The following DCDC2B variants were observed in gnomAD, a reference collection of about 807,000 sequenced individuals.
DCDC2B encodes doublecortin domain-containing protein 2B.
A neutral mutation model predicts 38.9 loss-of-function variants in DCDC2B; 41 were observed. The observed-to-expected ratio is 1.05, with a 90% CI of 0.82 to 1.37. DCDC2B has a LOEUF of 1.37. Among genes scored for constraint, DCDC2B ranks in the 40% most tolerant of loss-of-function variants. The probability of loss-of-function intolerance (pLI) is 0.00; values close to 1 mark genes in which losing one functional copy is unlikely to be tolerated. For missense variants in DCDC2B, 453 were observed against 427.2 expected (o/e 1.06, Z -0.53); for synonymous variants, 181 against 171.9 (o/e 1.05, Z -0.41).
intron 4 of DCDC2B, 106 bp from the exon 5 acceptor site, chr1:32,212,384 G>A (rs1643623444): frequency 5.2e-6 from 8 of 1,540,484 alleles, no homozygotes; most frequent in Non-Finnish European, 7.1e-6. Context: ...TGGGTGCCTA[G>A]AGGCCAGAGG....
intron 8 of DCDC2B, 122 bp downstream of exon 8, chr1:32,215,665 C>A: frequency 9.0e-7 from 1 of 1,116,798 alleles, no homozygotes; most frequent in Non-Finnish European, 1.3e-6. Flanking sequence ...GATCTCCTAA[C>A]TTCCTACCTT....
chr1:32,210,738 C>G (rs1015258461), intron 1 of DCDC2B, among the ~76,000 whole-genome samples: 6 of 151,060 alleles, frequency 4.0e-5, no homozygotes, highest in Admixed American at 3.3e-4. Flanking sequence ...GAGACAGGGT[C>G]TTGCTCTGTC....
At position 32,209,333 on chromosome 1, in the gene DCDC2B, T is replaced by C. The variant is rs1360956328; in HGVS notation, c.240T>C (p.Ala80=). The change falls in exon 1 of 9, where the codon GCT becomes GCC. Residue 80 remains alanine (A), a synonymous_variant. Coordinates refer to ENST00000409358, the MANE Select transcript of DCDC2B (RefSeq NM_001099434.2). ...AGAACAGAGGGCAGTATGTGGCCGCTGGATTTGAACGATTCCACAAGCTCC... is the reference window on the plus strand; with the variant it reads ...AGAACAGAGGGCAGTATGTGGCCGCCGGATTTGAACGATTCCACAAGCTCC... The part of the protein sequence containing the change: ...DLKNRGQYVA[A]GFERFHKLHY... 6.2e-7 allele frequency: 1 copy of C among 1,613,964 alleles called. No individual in the cohort carries two copies. The highest frequency in any genetic ancestry group is 1.3e-5 in the African/African-American group (1 of 75,022).
At position 32,212,738 on chromosome 1, in the gene DCDC2B, C is replaced by A. The variant is rs1557531502; in HGVS notation, c.675-16C>A. On this transcript the variant is annotated splice_polypyrimidine_tract_variant and intron_variant, in intron 5 of 8. Coordinates refer to ENST00000409358, the MANE Select transcript of DCDC2B (RefSeq NM_001099434.2). ...TGCCCTCTGCCCACTACAAGCCTTT[C>A]CTTTTGTCATTGTAGGCAACCTCCA... The A allele has an allele frequency of 6.2e-7, 1 of 1,613,890 alleles. No homozygotes were observed. Among genetic ancestry groups the A allele is most frequent in the South Asian group, 1.1e-5 (1 of 91,058 alleles).
intron 6 of DCDC2B, 100 bp downstream of exon 6, chr1:32,212,893 T>TTTTTTC: frequency 1.4e-6 from 2 of 1,385,246 alleles, no homozygotes; most frequent in Non-Finnish European, 2.0e-6. Flanking sequence ...GCATCCTCTC[T>TTTTTTC]TTTTTCTTTT....
In DCDC2B at chr1:32,209,179, C is replaced by T; in HGVS notation, c.86C>T (p.Thr29Ile). The change falls in exon 1 of 9, where the codon ACT becomes ATT. Residue 29 changes from threonine to isoleucine, a missense_variant. Coordinates refer to ENST00000409358, the MANE Select transcript of DCDC2B (RefSeq NM_001099434.2). ...TTCCCAGGCTCCCAGCTGGTGGTGACTCAACGCCGCTTCCCCACCATGGAG... is the reference window on the plus strand; with the variant it reads ...TTCCCAGGCTCCCAGCTGGTGGTGATTCAACGCCGCTTCCCCACCATGGAG... The part of the protein sequence containing the change: ...PFFPGSQLVV[T>I]QRRFPTMEAF... 6.2e-7 allele frequency: 1 copy of T among 1,614,026 alleles called. No individual in the cohort carries two copies. Among genetic ancestry groups the T allele is most frequent in the Non-Finnish European group, 8.5e-7 (1 of 1,179,884 alleles).
In DCDC2B at chr1:32,215,843, C is replaced by T. The variant is rs1172214137; in HGVS notation, c.996C>T (p.Asn332=). 1.3e-6 allele frequency: 2 copies of T among 1,553,088 alleles called. No homozygotes were observed. Among genetic ancestry groups the T allele is most frequent in the Admixed American group, 3.9e-5 (2 of 51,108 alleles). The change falls in exon 9 of 9, where the codon AAC becomes AAT. Residue 332 remains asparagine (N), a synonymous_variant. Coordinates refer to ENST00000409358, the MANE Select transcript of DCDC2B (RefSeq NM_001099434.2). The stretch of plus-strand genomic sequence containing the variant: ...TGGAAGAGGCCTTGTCCCTGGAAAA[C>T]CAGCCTGGGGCTGGGGCTGCTATCT... The part of the protein sequence containing the change: ...QIVEEALSLE[N]QPGAGAAISA...
At chr1:32,212,423 T>C (rs773992278) in intron 4 of DCDC2B, 67 bp from the exon 5 acceptor site, 3 of 1,593,774 alleles carry the variant, frequency 1.9e-6, no homozygotes, top group Non-Finnish European at 2.6e-6. Flanking sequence ...ACCCACCCCT[T>C]CAGTCTGCTG....
chr1:32,212,310 G>A (rs1643620846), intron 4 of DCDC2B, 109 bp downstream of exon 4: 1 of 1,554,406 alleles, frequency 6.4e-7, no homozygotes, highest in Non-Finnish European at 8.7e-7. Flanking sequence ...TCCCCCACAT[G>A]GGACTTCCCC....
intron 2 of DCDC2B, 110 bp from the exon 3 acceptor site, chr1:32,211,651 C>G: frequency 2.7e-6 from 3 of 1,107,542 alleles, no homozygotes; most frequent in Non-Finnish European, 4.0e-6. Context: ...CCTCCTCGCC[C>G]CCTTCCTGCC....
chr1:32,213,546 T>C (rs1304101112), intron 6 of DCDC2B, among the ~76,000 whole-genome samples: 1 of 145,356 alleles, frequency 6.9e-6, no homozygotes, highest in Non-Finnish European at 1.5e-5. Context: ...TCTCGCTCTG[T>C]TGCCCAGGCT....
Position 32,211,301 on chromosome 1 carries a change from G to A in DCDC2B, c.296G>A (p.Gly99Asp). The change falls in exon 2 of 9, where the codon GGT becomes GAT. Residue 99 changes from glycine (G) to aspartate (D), a missense_variant. Gly to Asp is a moderately conservative substitution (Grantham distance 94). Coordinates refer to ENST00000409358, the MANE Select transcript of DCDC2B (RefSeq NM_001099434.2). ...TTACCCCATAGAGGGAAGGACCCAG[G>A]TGGGAAGAGCTGCAGACTACAAGTG... ...HYLPHRGKDP[G>D]GKSCRLQGPP... The A allele has an allele frequency of 6.2e-7, 1 of 1,613,900 alleles. No homozygotes were observed. Among genetic ancestry groups the A allele is most frequent in the Non-Finnish European group, 8.5e-7 (1 of 1,179,866 alleles).
intron 1 of DCDC2B, among the ~76,000 whole-genome samples, chr1:32,210,072 A>AATCCC (rs1258348577): frequency 2.6e-5 from 4 of 152,180 alleles, no homozygotes; most frequent in African/African-American, 7.2e-5. Context: ...TCACACCTGT[A>AATCCC]ATCCCGGCAC....
Position 32,212,534 on chromosome 1 carries a change from T to C in DCDC2B, c.572T>C (p.Leu191Pro). 1 of 1,614,046 alleles carries C rather than the reference T, an allele frequency of 6.2e-7. No homozygotes were observed. The highest frequency in any genetic ancestry group is 1.1e-5 in the South Asian group (1 of 91,090). Reference protein sequence around the residue: ...EGLPLSAGKELVTGHYYVAVG... With the variant: ...EGLPLSAGKEPVTGHYYVAVG... ...CTCCCACTGTCAGCAGGGAAGGAGC[T>C]GGTAACTGGCCATTACTATGTGGCT... Residue 191 changes from leucine to proline, a missense_variant, in exon 5 of 9, where the codon CTG becomes CCG. Coordinates refer to ENST00000409358, the MANE Select transcript of DCDC2B (RefSeq NM_001099434.2).
intron 1 of DCDC2B, among the ~76,000 whole-genome samples, chr1:32,209,572 CTG>C (rs900111827): frequency 3.3e-5 from 5 of 152,140 alleles, no homozygotes; most frequent in Non-Finnish European, 7.4e-5. Flanking sequence ...AAATAGAATT[CTG>C]TGTGTTACTA....
At position 32,209,268 on chromosome 1, in the gene DCDC2B, C is replaced by T; in HGVS notation, c.175C>T (p.Pro59Ser). 2 of 1,614,030 alleles carry T rather than the reference C, an allele frequency of 1.2e-6. No individual in the cohort carries two copies. Among genetic ancestry groups the T allele is most frequent in the Non-Finnish European group, 1.7e-6 (2 of 1,179,894 alleles). Reference protein sequence around the residue: ...APLAVRALYTPCHGHPVTNLA... With the variant: ...APLAVRALYTSCHGHPVTNLA... ...ACTGGCTGTGCGTGCCCTCTACACACCTTGTCATGGCCACCCTGTCACCAA... is the reference window on the plus strand; with the variant it reads ...ACTGGCTGTGCGTGCCCTCTACACATCTTGTCATGGCCACCCTGTCACCAA... Residue 59 changes from proline to serine, a missense_variant, in exon 1 of 9, where the codon CCT becomes TCT. Transcript: ENST00000409358.
At position 32,209,195 on chromosome 1, in the gene DCDC2B, C is replaced by T. The variant is rs1187776545; in HGVS notation, c.102C>T (p.Pro34=). The T allele has an allele frequency of 1.9e-6, 3 of 1,614,022 alleles. No individual in the cohort carries two copies. The highest frequency in any genetic ancestry group is 2.5e-6 in the Non-Finnish European group (3 of 1,179,884). The change falls in exon 1 of 9, where the codon CCC becomes CCT. Residue 34 remains proline (P), a synonymous_variant. Transcript: ENST00000409358. ...TGGTGGTGACTCAACGCCGCTTCCC[C>T]ACCATGGAGGCCTTCCTCTGCGAGG... ...SQLVVTQRRF[P]TMEAFLCEVT... is the part of the protein sequence containing the mutation.
chr1:32,211,759 A>C lies in DCDC2B; in HGVS notation c.319-2A>C, dbSNP rs1218586927. The C allele has an allele frequency of 6.2e-7, 1 of 1,604,722 alleles. No homozygotes were observed. The highest frequency in any genetic ancestry group is 8.5e-7 in the Non-Finnish European group (1 of 1,175,872). ...GATTTGGAGGCCTGACATGGGTTTC[A>C]GGGTCCTCCCGTGACTCGCCACTTG... On this transcript the variant is annotated splice_acceptor_variant, in intron 2 of 8. Transcript: ENST00000409358. LOFTEE classifies it high-confidence loss of function.
At chr1:32,209,421 C>T in intron 1 of DCDC2B, 62 bp downstream of exon 1, 1 of 1,577,304 alleles carries the variant, frequency 6.3e-7, no homozygotes, top group Non-Finnish European at 8.6e-7. Flanking sequence ...AGCGTGTATT[C>T]AGTACCTACC....
Sources: allele counts gnomAD v4.1 joint callset (sites outside exome capture counted in the v4.1 genomes callset), GRCh38; gene constraint gnomAD v4.1.1; transcripts MANE v1.5; gene names NCBI Gene and HGNC (gene_info 2026-07-23, HGNC 2026-07-21).